Variants in XDH observed in about 807,000 individuals in gnomAD.
XDH encodes xanthine dehydrogenase.
In XDH, 138 loss-of-function variants were observed where a neutral mutation model predicts 156.1. That is an observed-to-expected ratio of 0.88 (90% CI 0.77 to 1.02). The LOEUF (loss-of-function observed/expected upper bound fraction) is 1.02. Among genes scored for constraint, XDH ranks in the 50% least tolerant of loss-of-function variants. The pLI, the probability that XDH is intolerant of heterozygous loss-of-function variation, is 0.00. For synonymous variants in XDH, 669 were observed against 625.7 expected, an observed-to-expected ratio of 1.07 and a Z score of -1.03; for missense variants, 1,849 against 1,684.9, an observed-to-expected ratio of 1.10 and a Z score of -1.71.
chr2:31,366,993 C>T lies in XDH; in HGVS notation c.2199G>A (p.Gly733=), dbSNP rs1422433788. ...GFSEADNVVS[G]EIYIGGQEHF... is the part of the protein sequence containing the mutation. ...GCTCTTGGCCACCGATGTATATCTC[C>T]CCTGGGGAAGCAGTGAGATCCCTCA... The change falls in exon 21 of 36, where the codon GGG becomes GGA. Residue 733 remains glycine, a splice_region_variant and synonymous_variant. Transcript: ENST00000379416. 13 of 1,614,034 alleles carry T rather than the reference C, an allele frequency of 8.1e-6. No homozygotes were observed. The South Asian group carries it at 1.1e-4, about 14-fold the overall frequency.
At chr2:31,354,147 A>T (rs1165019903) in intron 24 of XDH, among the ~76,000 whole-genome samples, 1 of 152,208 alleles carries the variant, frequency 6.6e-6, no homozygotes, top group African/African-American at 2.4e-5. Context: ...CCCAGAAGTA[A>T]GAAGGAGTTG....
intron 6 of XDH, among the ~76,000 whole-genome samples, chr2:31,390,345 T>G (rs1686728670): frequency 6.6e-6 from 1 of 152,252 alleles, no homozygotes; most frequent in South Asian, 2.1e-4. Flanking sequence ...CATAGCTTGA[T>G]AGCTCCTTTC....
At chr2:31,345,908 A>G (rs1046603841) in intron 30 of XDH, among the ~76,000 whole-genome samples, 1 of 152,136 alleles carries the variant, frequency 6.6e-6, no homozygotes, top group African/African-American at 2.4e-5. Flanking sequence ...TGATAAATCC[A>G]TGCTAAAACC....
rs781008132 is a variant in XDH at position 31,372,263 on chromosome 2, C to A, written c.1821G>T (p.Arg607=). ...CGTGGGCCCGGGTGCTGGTGACCAG[C>A]CGGAGAGACAGCTCATTCTCGTAGC... is the stretch of plus-strand genomic sequence containing the variant. The part of the protein sequence containing the change: ...IPRYENELSL[R]LVTSTRAHAK... Residue 607 remains arginine (R), a synonymous_variant, in exon 17 of 36, where the codon CGG becomes CGT. Coordinates refer to ENST00000379416, the MANE Select transcript of XDH (RefSeq NM_000379.4). The A allele has an allele frequency of 5.6e-6, 9 of 1,614,122 alleles. No individual in the cohort carries two copies. Among genetic ancestry groups the A allele is most frequent in the East Asian group, 2.2e-5 (1 of 44,898 alleles).
At chr2:31,391,905 T>C (rs1376502886) in intron 6 of XDH, among the ~76,000 whole-genome samples, 1 of 152,246 alleles carries the variant, frequency 6.6e-6, no homozygotes, top group Non-Finnish European at 1.5e-5. Flanking sequence ...TTTTAAATGT[T>C]TGATAGGATT....
At chr2:31,377,644 C>A (rs1165081922) in intron 13 of XDH, among the ~76,000 whole-genome samples, 1 of 152,096 alleles carries the variant, frequency 6.6e-6, no homozygotes, top group African/African-American at 2.4e-5. Context: ...GGGACTGAGG[C>A]TGTTTGGCCT....
In XDH at chr2:31,384,209, C is replaced by T. The variant is rs1686521925; in HGVS notation, c.794-362G>A. ...AAGGTATGTCAGGAACCCTTCTAAGCACTTTCCCTATTTTAACTTAATTAA... is the reference window on the plus strand; with the variant it reads ...AAGGTATGTCAGGAACCCTTCTAAGTACTTTCCCTATTTTAACTTAATTAA... On this transcript the variant is annotated intron_variant, in intron 9 of 35. Coordinates refer to ENST00000379416, the MANE Select transcript of XDH (RefSeq NM_000379.4). The T allele has an allele frequency of 1.4e-5, 4 of 290,040 alleles. No individual in the cohort carries two copies. In the South Asian group the frequency reaches 1.5e-4, roughly 11 times the overall value. 18.0% of individuals were successfully genotyped at this position (290,040 alleles called of 1,614,324 possible).
intron 30 of XDH, among the ~76,000 whole-genome samples, chr2:31,345,441 A>G (rs1572513184): frequency 6.6e-6 from 1 of 152,224 alleles, no homozygotes; most frequent in Non-Finnish European, 1.5e-5. Context: ...ATCCCCAAAC[A>G]CTAGCACAGA....
Position 31,370,391 on chromosome 2 carries a change from T to G in XDH, c.1944A>C (p.Gly648=), listed in dbSNP as rs749917920. The stretch of plus-strand genomic sequence containing the variant: ...CAAAGACTGTCTCATCATTACAAAT[T>G]CCAGTTATGTTACTCCCAGGAACAT... ...ADDVPGSNIT[G]ICNDETVFAK... Residue 648 remains glycine, a synonymous_variant, in exon 18 of 36, where the codon GGA becomes GGC. Coordinates refer to ENST00000379416, the MANE Select transcript of XDH (RefSeq NM_000379.4). 5.6e-6 allele frequency: 9 copies of G among 1,614,210 alleles called. No homozygotes were observed. The highest frequency in any genetic ancestry group is 7.6e-6 in the Non-Finnish European group (9 of 1,180,026).
chr2:31,364,194 G>A lies in XDH; in HGVS notation c.2595C>T (p.Phe865=). 5 of 1,614,126 alleles carry A rather than the reference G, an allele frequency of 3.1e-6. No homozygotes were observed. Among genetic ancestry groups the A allele is most frequent in the Non-Finnish European group, 4.2e-6 (5 of 1,180,028 alleles). ...GATCCTGGGTGTTCCCCACATTGCTGAAGTGGTCCACCTCAAGAGCCACAA... is the reference window on the plus strand; with the variant it reads ...GATCCTGGGTGTTCCCCACATTGCTAAAGTGGTCCACCTCAAGAGCCACAA... The part of the protein sequence containing the change: ...GTVVALEVDH[F]SNVGNTQDLS... The change falls in exon 24 of 36, where the codon TTC becomes TTT. Residue 865 remains phenylalanine, a synonymous_variant. Transcript: ENST00000379416.
At chr2:31,396,066 A>G (rs1686894284) in intron 6 of XDH, among the ~76,000 whole-genome samples, 1 of 152,154 alleles carries the variant, frequency 6.6e-6, no homozygotes, top group African/African-American at 2.4e-5. Flanking sequence ...GCTGTGTGTA[A>G]AATAAAAGTA....
At chr2:31,375,788 A>C (rs1340277438) in intron 14 of XDH, among the ~76,000 whole-genome samples, 1 of 152,376 alleles carries the variant, frequency 6.6e-6, no homozygotes, top group African/African-American at 2.4e-5. Flanking sequence ...GTTAAAATCT[A>C]TCAAGTCCTC....
chr2:31,403,182 G>A (rs376246655), intron 2 of XDH, 38 bp from the exon 3 acceptor site: 5 of 1,606,592 alleles, frequency 3.1e-6, no homozygotes, highest in Admixed American at 1.7e-5. Flanking sequence ...AACTCAGGGA[G>A]AGGAGTCTGC....
intron 34 of XDH, among the ~76,000 whole-genome samples, chr2:31,338,452 T>C (rs1320656989): frequency 1.3e-5 from 2 of 152,176 alleles, no homozygotes. Flanking sequence ...ATTTTTATCA[T>C]GGGCCTCAGT....
rs1330621299 is a variant in XDH, at chr2:31,384,145, T to TGTGTGTGTGC, written c.794-299_794-298insGCACACACAC. The TGTGTGTGTGC allele has an allele frequency of 3.2e-4, 125 of 391,678 alleles. 3 individuals are homozygous for TGTGTGTGTGC. Among genetic ancestry groups the TGTGTGTGTGC allele is most frequent in the Non-Finnish European group, 2.1e-4 (44 of 206,418 alleles). The allele number at this position is 391,678 out of a possible 1,614,324, so 24.3% of individuals were successfully genotyped here. ...GTGTGTGTGTGTGTGTGTGTGTGTG[T>TGTGTGTGTGC]GTGTGTGTGTTTGTGTACATTAGAA... On this transcript the variant is annotated intron_variant, in intron 9 of 35. Transcript: ENST00000379416.
chr2:31,349,160 C>T (rs1026640398), intron 26 of XDH, among the ~76,000 whole-genome samples, 180 bp from the exon 27 acceptor site: 2 of 152,198 alleles, frequency 1.3e-5, no homozygotes, highest in African/African-American at 2.4e-5. Context: ...GAGTGCAACC[C>T]GTACTGGGTC....
chr2:31,414,727 G>C lies in XDH; in HGVS notation c.-61C>G. 1 of 1,593,512 alleles carries C rather than the reference G, an allele frequency of 6.3e-7. No individual in the cohort carries two copies. The highest frequency in any genetic ancestry group is 8.6e-7 in the Non-Finnish European group (1 of 1,161,234). On this transcript the variant is annotated 5_prime_UTR_variant, in exon 1 of 36. Transcript: ENST00000379416. ...CACTCCTAAGAGACACTGGCAGGTA[G>C]TTATCACTGCTCTGTGACCTGAAAG...
chr2:31,359,695 GT>G (rs1685722818), intron 24 of XDH, among the ~76,000 whole-genome samples: 1 of 152,154 alleles, frequency 6.6e-6, no homozygotes, highest in Admixed American at 6.5e-5. Context: ...ATAAGGTGTG[GT>G]GGGGAATTGA....
At position 31,337,712 on chromosome 2, in the gene XDH, GT is replaced by G; in HGVS notation, c.3879del (p.Glu1293AspfsTer5). On this transcript the variant is annotated frameshift_variant, in exon 35 of 36. Transcript: ENST00000379416. LOFTEE classifies it high-confidence loss of function. ...RAQHTGNNVK[E>X]LFRLDSPATP... ...GTGGCAGGGCTGTCTAGCCGGAAGA[GT>G]TCCTTCACGTTATTACCTGTGTGCT... 1 of 1,614,244 alleles carries G rather than the reference GT, an allele frequency of 6.2e-7. No homozygotes were observed. Among genetic ancestry groups the G allele is most frequent in the South Asian group, 1.1e-5 (1 of 91,088 alleles).
Sources: gnomAD v4.1 joint callset for allele counts (sites outside exome capture counted in the v4.1 genomes callset) on GRCh38, gnomAD v4.1.1 for gene constraint, MANE v1.5 for transcripts, NCBI Gene and HGNC (gene_info 2026-07-23, HGNC 2026-07-21) for gene names.